The following CSGALNACT1 variants were observed in gnomAD, a reference collection of about 807,000 sequenced individuals.
CSGALNACT1 encodes chondroitin sulfate N-acetylgalactosaminyltransferase 1, also known as beta4GalNAcT-1.
Under a neutral mutation model 51.0 loss-of-function variants are expected in CSGALNACT1, and 52 were observed. That is an observed-to-expected ratio of 1.02 (90% CI 0.82 to 1.29). The LOEUF is 1.29. Among genes scored for constraint, CSGALNACT1 ranks in the 50% most tolerant of loss-of-function variants. The pLI is 0.00. For synonymous variants in CSGALNACT1, 341 were observed against 254.4 expected (o/e 1.34, Z -3.24); for missense variants, 935 against 679.2 (o/e 1.38, Z -4.19).
intron 2 of CSGALNACT1, among the ~76,000 whole-genome samples, chr8:19,591,848 G>C (rs2047890799): frequency 6.6e-6 from 1 of 152,070 alleles, no homozygotes. Context: ...GCTATATTTA[G>C]TATTTAATAT....
intron 1 of CSGALNACT1, among the ~76,000 whole-genome samples, chr8:19,707,378 G>C (rs1170887993): frequency 1.3e-5 from 2 of 152,148 alleles, no homozygotes; most frequent in Admixed American, 6.5e-5. Context: ...AGTTATTTCT[G>C]ATACCCCGAA....
intron 5 of CSGALNACT1, among the ~76,000 whole-genome samples, chr8:19,447,913 C>G (rs1030756822): frequency 1.3e-5 from 2 of 152,186 alleles, no homozygotes; most frequent in South Asian, 4.1e-4. Context: ...GGAGCTCAAG[C>G]CAGGACTTTT....
At chr8:19,441,596 G>A (rs2061341148) in intron 5 of CSGALNACT1, among the ~76,000 whole-genome samples, 1 of 152,264 alleles carries the variant, frequency 6.6e-6, no homozygotes, top group African/African-American at 2.4e-5. Flanking sequence ...TTACATGTTA[G>A]ACCTAAAACC....
chr8:19,750,560 G>A (rs549539875), intron 1 of CSGALNACT1, among the ~76,000 whole-genome samples: 74 of 152,250 alleles, frequency 4.9e-4, no homozygotes, highest in Admixed American at 9.2e-4. Flanking sequence ...CTTGCAACAA[G>A]CCTATAAGAT....
At chr8:19,539,206 C>T (rs1440902670) in intron 3 of CSGALNACT1, among the ~76,000 whole-genome samples, 1 of 152,092 alleles carries the variant, frequency 6.6e-6, no homozygotes, top group East Asian at 1.9e-4. Context: ...TTAGGAATCC[C>T]TAACATCTAC....
At chr8:19,432,378 A>T (rs1011590991) in intron 6 of CSGALNACT1, among the ~76,000 whole-genome samples, 4 of 152,078 alleles carry the variant, frequency 2.6e-5, no homozygotes, top group Non-Finnish European at 5.9e-5. Context: ...CTGTCTTTGG[A>T]TTTCAAAAAT....
chr8:19,734,133 A>G (rs951933864), intron 1 of CSGALNACT1, among the ~76,000 whole-genome samples: 1 of 152,320 alleles, frequency 6.6e-6, no homozygotes, highest in African/African-American at 2.4e-5. Context: ...TATCACTTCC[A>G]TCTCAGAATC....
At chr8:19,427,949 A>T (rs561501862) in intron 6 of CSGALNACT1, among the ~76,000 whole-genome samples, 1 of 152,206 alleles carries the variant, frequency 6.6e-6, no homozygotes, top group African/African-American at 2.4e-5. Context: ...AGGTGAGGGA[A>T]GCAGTCTCAT....
chr8:19,676,152 T>C (rs764352004), intron 1 of CSGALNACT1, among the ~76,000 whole-genome samples: 2 of 145,474 alleles, frequency 1.4e-5, no homozygotes, highest in African/African-American at 5.1e-5. Context: ...CAAGATAACA[T>C]TCACAATGTT....
intron 1 of CSGALNACT1, among the ~76,000 whole-genome samples, chr8:19,740,607 G>C (rs558190421): frequency 6.6e-6 from 1 of 152,240 alleles, no homozygotes; most frequent in East Asian, 1.9e-4. Flanking sequence ...TTTAGTAACT[G>C]TTATATAATA....
chr8:19,682,484 A>G (rs1204208259), exon 1 of CSGALNACT1: 3 of 353,322 alleles, frequency 8.5e-6, no homozygotes, highest in Admixed American at 3.5e-5. Context: ...CACACACGAG[A>G]TCAAAAAGAT....
At chr8:19,696,951 G>A (rs999421005) in intron 1 of CSGALNACT1, among the ~76,000 whole-genome samples, 3 of 152,158 alleles carry the variant, frequency 2.0e-5, no homozygotes, top group African/African-American at 4.8e-5. Context: ...GCAACCCCAC[G>A]TGATTTGGTG....
At chr8:19,484,497 A>G (rs1366275642) in intron 4 of CSGALNACT1, among the ~76,000 whole-genome samples, 4 of 152,200 alleles carry the variant, frequency 2.6e-5, no homozygotes, top group East Asian at 1.9e-4. Flanking sequence ...AGGCCTCACA[A>G]TCACGGCAGA....
At chr8:19,569,512 A>C in intron 3 of CSGALNACT1, among the ~76,000 whole-genome samples, 1 of 147,094 alleles carries the variant, frequency 6.8e-6, no homozygotes, top group South Asian at 2.2e-4. Flanking sequence ...TGAGTTCTGG[A>C]GATGAAAAAA....
At chr8:19,729,129 A>G (rs994469984) in intron 1 of CSGALNACT1, among the ~76,000 whole-genome samples, 2 of 151,856 alleles carry the variant, frequency 1.3e-5, no homozygotes, top group Admixed American at 1.3e-4. Context: ...CAACTAAGTG[A>G]AGACTGAAAT....
chr8:19,488,736 G>C (rs887908698), intron 4 of CSGALNACT1, among the ~76,000 whole-genome samples: 16 of 152,068 alleles, frequency 1.1e-4, no homozygotes, highest in African/African-American at 3.6e-4. Flanking sequence ...CCCATATATA[G>C]TTTATAACAA....
At chr8:19,561,475 AG>A (rs1278108247) in intron 3 of CSGALNACT1, among the ~76,000 whole-genome samples, 4 of 152,180 alleles carry the variant, frequency 2.6e-5, no homozygotes, top group African/African-American at 9.6e-5. Context: ...TCCCTCTCCG[AG>A]GCCCCACCAG....
chr8:19,567,549 C>T (rs1305835876), intron 3 of CSGALNACT1, among the ~76,000 whole-genome samples: 1 of 152,194 alleles, frequency 6.6e-6, no homozygotes, highest in Non-Finnish European at 1.5e-5. Flanking sequence ...AACGTTAAAA[C>T]TTCTTCTTTT....
At chr8:19,569,489 GAGA>G (rs1376477536) in intron 3 of CSGALNACT1, among the ~76,000 whole-genome samples, 1 of 151,786 alleles carries the variant, frequency 6.6e-6, no homozygotes, top group Non-Finnish European at 1.5e-5. Flanking sequence ...AACTTCACTT[GAGA>G]AGAAGTATCT....
Sources: allele counts gnomAD v4.1 joint callset (sites outside exome capture counted in the v4.1 genomes callset), GRCh38; gene constraint gnomAD v4.1.1; transcripts MANE v1.5; gene names NCBI Gene and HGNC (gene_info 2026-07-23, HGNC 2026-07-21).